The following DOCK7 variants were observed in gnomAD, a reference collection of about 807,000 sequenced individuals.
The protein encoded by DOCK7 is dedicator of cytokinesis 7, also known as dedicator of cytokinesis protein 7.
A neutral mutation model predicts 271.0 loss-of-function variants in DOCK7; 138 were observed. That is an observed-to-expected ratio of 0.51 (90% confidence interval 0.44 to 0.59). The LOEUF (loss-of-function observed/expected upper bound fraction) is 0.59. DOCK7 is among the 20% of genes least tolerant of loss of function. The pLI, the probability that DOCK7 is intolerant of heterozygous loss-of-function variation, is 0.00. For missense variants in DOCK7, 2,066 were observed against 2,592.4 expected (o/e 0.80, Z 4.41); for synonymous variants, 823 against 876.1 (o/e 0.94, Z 1.07).
At chr1:62,457,066 C>CT (rs1368876636) in intron 49 of DOCK7, among the ~76,000 whole-genome samples, 1 of 152,146 alleles carries the variant, frequency 6.6e-6, no homozygotes, top group South Asian at 2.1e-4. Flanking sequence ...ACAAAAACCT[C>CT]TTTAAGTTCT....
chr1:62,535,411 C>G (rs1281366558), intron 29 of DOCK7, 82 bp downstream of exon 29: 2 of 1,215,426 alleles, frequency 1.6e-6, no homozygotes, highest in African/African-American at 3.0e-5. Context: ...TCTCCTAATC[C>G]TCAGGAAATG....
intron 18 of DOCK7, among the ~76,000 whole-genome samples, chr1:62,568,283 C>T (rs1033231317): frequency 2.6e-5 from 4 of 151,840 alleles, no homozygotes; most frequent in African/African-American, 7.3e-5. Flanking sequence ...CACTAAAATG[C>T]CCACATTAAA....
intron 18 of DOCK7, among the ~76,000 whole-genome samples, chr1:62,574,724 A>AT (rs1398747098): frequency 6.6e-6 from 1 of 151,668 alleles, no homozygotes; most frequent in Non-Finnish European, 1.5e-5. Flanking sequence ...ACATAGAAAT[A>AT]TTTTTTTTCT....
intron 14 of DOCK7, among the ~76,000 whole-genome samples, chr1:62,611,004 T>C (rs1311648325): frequency 6.6e-6 from 1 of 152,206 alleles, no homozygotes; most frequent in Non-Finnish European, 1.5e-5. Context: ...TCAAATGGTA[T>C]TTCTAGTTCT....
At chr1:62,688,149 CT>C (rs1469267970) in intron 1 of DOCK7, 77 bp downstream of exon 1, 1 of 1,236,258 alleles carries the variant, frequency 8.1e-7, no homozygotes, top group Non-Finnish European at 1.0e-6. Context: ...ACCCACCCGC[CT>C]CCTAGGCCAG....
intron 15 of DOCK7, chr1:62,584,747 A>G (rs1647294461): frequency 1.1e-5 from 9 of 842,724 alleles, no homozygotes; most frequent in Non-Finnish European, 1.8e-5. Context: ...GGAGCTCACA[A>G]TCTAATGGGT....
intron 1 of DOCK7, among the ~76,000 whole-genome samples, chr1:62,666,771 C>G (rs1269738742): frequency 6.6e-6 from 1 of 152,046 alleles, no homozygotes; most frequent in Non-Finnish European, 1.5e-5. Flanking sequence ...GTCTTTTTTC[C>G]TTCTAATGAA....
rs1645609965 is a variant in DOCK7 at position 62,543,720 on chromosome 1, A to T, written c.2885T>A (p.Met962Lys). Residue 962 changes from methionine (M) to lysine (K), a missense_variant, in exon 24 of 50, where the codon ATG (methionine) becomes AAG (lysine). Around this residue, in one of 2 missense-constraint regions of DOCK7, gnomAD observed 1,414 missense variants for 1,670.4 expected, o/e 0.85. Transcript: ENST00000635253. ...TQAMDRSCNR[M>K]SSHTETSSFL... ...ACTTGACGTCTCTGTGTGCGAAGAC[A>T]TACGATTACAACTTCGATCCATAGC... is the stretch of plus-strand genomic sequence containing the variant. The T allele has an allele frequency of 6.3e-7, 1 of 1,598,324 alleles. No individual in the cohort carries two copies. The highest frequency in any genetic ancestry group is 1.3e-5 in the African/African-American group (1 of 74,788).
rs926378042 is a variant in DOCK7 at position 62,558,855 on chromosome 1, A to G, written c.2431+134T>C. 7.1e-6 allele frequency: 5 copies of G among 708,234 alleles called. No individual in the cohort carries two copies. The African/African-American group carries it at 9.0e-5, about 13-fold the overall frequency. 43.9% of individuals were successfully genotyped at this position (708,234 alleles called of 1,614,324 possible). The stretch of plus-strand genomic sequence containing the variant: ...TATTTTCTGGCATTATAAACAAGTA[A>G]ATAACATCTTCCACCCCAAATCAAA... On this transcript the variant is annotated intron_variant, in intron 20 of 49. Transcript: ENST00000635253.
chr1:62,648,000 G>C, intron 6 of DOCK7, 106 bp downstream of exon 6: 1 of 1,049,008 alleles, frequency 9.5e-7, no homozygotes, highest in Non-Finnish European at 1.4e-6. Flanking sequence ...AATTACAGCT[G>C]TTTCAGTTGC....
At chr1:62,609,108 C>T (rs1015910899) in intron 14 of DOCK7, 2 of 152,056 alleles carry the variant, frequency 1.3e-5, no homozygotes, top group African/African-American at 2.4e-5. Flanking sequence ...CAACAATTGG[C>T]CCTTTTATCA....
intron 14 of DOCK7, among the ~76,000 whole-genome samples, chr1:62,593,679 A>G (rs1648797003): frequency 6.6e-6 from 1 of 152,170 alleles, no homozygotes; most frequent in Non-Finnish European, 1.5e-5. Flanking sequence ...ACAAAACAGT[A>G]AGATAGATAA....
chr1:62,479,313 T>G (rs1175352306), intron 43 of DOCK7, among the ~76,000 whole-genome samples: 1 of 152,182 alleles, frequency 6.6e-6, no homozygotes, highest in African/African-American at 2.4e-5. Context: ...TATCCCTACA[T>G]TTTTGTCCAA....
At position 62,494,498 on chromosome 1, in the gene DOCK7, T is replaced by C. The variant is rs759659271; in HGVS notation, c.5025-31A>G. 2.5e-6 allele frequency: 4 copies of C among 1,570,144 alleles called. No individual in the cohort carries two copies. In the East Asian group the frequency reaches 9.1e-5, roughly 36 times the overall value. On this transcript the variant is annotated intron_variant, in intron 39 of 49. Coordinates refer to ENST00000635253, the MANE Select transcript of DOCK7 (RefSeq NM_001367561.1). ...TAGAACAGAAATTCTTCTCCATTAGTATGTGCTTCCCAAGCTGGGAGGGAG... is the reference window on the plus strand; with the variant it reads ...TAGAACAGAAATTCTTCTCCATTAGCATGTGCTTCCCAAGCTGGGAGGGAG...
At chr1:62,487,338 C>A in intron 43 of DOCK7, 60 bp downstream of exon 43, 1 of 1,544,426 alleles carries the variant, frequency 6.5e-7, no homozygotes, top group Non-Finnish European at 8.9e-7. Flanking sequence ...AAAGCATTGG[C>A]ATAAGAAATC....
intron 14 of DOCK7, among the ~76,000 whole-genome samples, chr1:62,591,369 G>A (rs750070249): frequency 2.6e-5 from 4 of 152,206 alleles, no homozygotes; most frequent in Non-Finnish European, 5.9e-5. Context: ...GTGGAGGAGA[G>A]AGAGGAGCAG....
intron 1 of DOCK7, among the ~76,000 whole-genome samples, chr1:62,672,350 C>T (rs1426363613): frequency 6.6e-6 from 1 of 152,124 alleles, no homozygotes; most frequent in Non-Finnish European, 1.5e-5. Context: ...CAACGTGTCA[C>T]ATACTGTGCA....
At chr1:62,613,513 G>A (rs1337441571) in intron 14 of DOCK7, among the ~76,000 whole-genome samples, 8 of 152,110 alleles carry the variant, frequency 5.3e-5, no homozygotes. Context: ...AAGTCTTTAA[G>A]AAGACTCAAC....
At chr1:62,559,900 C>T (rs1399825728) in intron 19 of DOCK7, among the ~76,000 whole-genome samples, 4 of 152,176 alleles carry the variant, frequency 2.6e-5, no homozygotes, top group Non-Finnish European at 5.9e-5. Context: ...TGAACACCTA[C>T]TTTCCTTCTG....
Sources: gnomAD v4.1 joint callset for allele counts (sites outside exome capture counted in the v4.1 genomes callset) on GRCh38, gnomAD v4.1.1 for gene constraint, gnomAD v4.1.1 regional missense constraint, MANE v1.5 for transcripts, NCBI Gene and HGNC (gene_info 2026-07-23, HGNC 2026-07-21) for gene names.